Variants in SUGCT observed in about 807,000 individuals in gnomAD.
SUGCT encodes succinyl-CoA:glutarate CoA-transferase.
A neutral mutation model predicts 55.0 loss-of-function variants in SUGCT; 41 were observed. That is an observed-to-expected ratio of 0.74 (90% CI 0.58 to 0.97). The LOEUF (loss-of-function observed/expected upper bound fraction) is 0.97, where lower values mean the gene tolerates loss of function less well. Ranked by LOEUF, SUGCT falls within the 50% of genes least tolerant of loss-of-function variation. SUGCT has a pLI of 0.00. For missense variants in SUGCT, 568 were observed against 547.8 expected (o/e 1.04, Z -0.37); for synonymous variants, 187 against 200.4 (o/e 0.93, Z 0.56).
chr7:40,669,158 C>T (rs1211609752), intron 12 of SUGCT, among the ~76,000 whole-genome samples: 2 of 152,146 alleles, frequency 1.3e-5, no homozygotes, highest in African/African-American at 2.4e-5. Flanking sequence ...CCCACTCCTA[C>T]CTAGTGATGA....
At chr7:40,342,424 C>T (rs1428557165) in intron 9 of SUGCT, among the ~76,000 whole-genome samples, 1 of 152,064 alleles carries the variant, frequency 6.6e-6, no homozygotes, top group East Asian at 1.9e-4. Flanking sequence ...ATAATATTTC[C>T]TCCAGGCAAA....
intron 12 of SUGCT, among the ~76,000 whole-genome samples, chr7:40,703,981 G>C (rs1169177723): frequency 6.6e-6 from 1 of 152,226 alleles, no homozygotes; most frequent in Non-Finnish European, 1.5e-5. Flanking sequence ...CTGACCGGAG[G>C]AGACTTGTAC....
chr7:40,308,335 C>T (rs951647788), intron 8 of SUGCT, among the ~76,000 whole-genome samples: 5 of 152,112 alleles, frequency 3.3e-5, no homozygotes, highest in Admixed American at 6.5e-5. Context: ...TTTTTCCATT[C>T]GTCAACTATG....
At chr7:40,372,405 T>G (rs1044770170) in intron 9 of SUGCT, among the ~76,000 whole-genome samples, 4 of 152,148 alleles carry the variant, frequency 2.6e-5, no homozygotes, top group Non-Finnish European at 4.4e-5. Context: ...TTTGCTCTCT[T>G]TTATTTTTCT....
intron 12 of SUGCT, among the ~76,000 whole-genome samples, chr7:40,624,642 A>G (rs1288959754): frequency 6.6e-6 from 1 of 152,146 alleles, no homozygotes; most frequent in African/African-American, 2.4e-5. Flanking sequence ...ATGCGGTTTT[A>G]AACTGCGATG....
At chr7:40,844,913 G>T (rs1793481328) in intron 13 of SUGCT, among the ~76,000 whole-genome samples, 1 of 152,230 alleles carries the variant, frequency 6.6e-6, no homozygotes, top group South Asian at 2.1e-4. Context: ...AGAAAGAGAA[G>T]AGTCAAGATG....
chr7:40,364,941 C>CG (rs1481959015), intron 9 of SUGCT, among the ~76,000 whole-genome samples: 1 of 152,052 alleles, frequency 6.6e-6, no homozygotes, highest in East Asian at 1.9e-4. Context: ...ATACCAAAGC[C>CG]GGGCAGAGAC....
intron 12 of SUGCT, among the ~76,000 whole-genome samples, chr7:40,511,397 C>T (rs910018687): frequency 3.3e-5 from 5 of 152,120 alleles, no homozygotes; most frequent in Non-Finnish European, 5.9e-5. Flanking sequence ...GAAGGCTGAA[C>T]GACATGACAC....
At chr7:40,242,084 A>G (rs1355423918) in intron 7 of SUGCT, among the ~76,000 whole-genome samples, 1 of 152,136 alleles carries the variant, frequency 6.6e-6, no homozygotes, top group East Asian at 1.9e-4. Context: ...TTCCTACACT[A>G]TGCCAGACAG....
Position 40,262,728 on chromosome 7 carries a change from A to AACT in SUGCT, c.577-11785_577-11784insACT, listed in dbSNP as rs1295487532. On this transcript the variant is annotated intron_variant, in intron 7 of 13. Transcript: ENST00000335693. ...TTTCTTGACTGCAGTTGTAGAAATG[A>AACT]CAAATTAACTCACACATTTAAAATT... is the stretch of plus-strand genomic sequence containing the variant. Among the ~76,000 whole-genome samples, 7 of 152,254 alleles carry AACT rather than the reference A, an allele frequency of 4.6e-5. No homozygotes were observed. The East Asian group carries it at 1.4e-3, about 29-fold the overall frequency.
In SUGCT at chr7:40,496,397, G is replaced by C; in HGVS notation, c.1089+11G>C. On this transcript the variant is annotated intron_variant, in intron 12 of 13. Coordinates refer to ENST00000335693, the MANE Select transcript of SUGCT (RefSeq NM_001193313.2). ...TTTGCAGAACCTCAGGTTTGTTTTTGAAGTTTAACAACGCCTCTGTTTTCT... is the reference window on the plus strand; with the variant it reads ...TTTGCAGAACCTCAGGTTTGTTTTTCAAGTTTAACAACGCCTCTGTTTTCT... 1 of 1,584,706 alleles carries C rather than the reference G, an allele frequency of 6.3e-7. No individual in the cohort carries two copies. The highest frequency in any genetic ancestry group is 8.7e-7 in the Non-Finnish European group (1 of 1,155,860).
intron 12 of SUGCT, among the ~76,000 whole-genome samples, chr7:40,555,909 G>T (rs1041090399): frequency 6.6e-6 from 1 of 151,790 alleles, no homozygotes; most frequent in South Asian, 2.1e-4. Context: ...TTAACCAGGG[G>T]ATAAAACATT....
At chr7:40,732,827 C>T (rs1412104052) in intron 12 of SUGCT, among the ~76,000 whole-genome samples, 6 of 152,164 alleles carry the variant, frequency 3.9e-5, no homozygotes, top group South Asian at 2.1e-4. Context: ...TGAGCCAACA[C>T]GCCTGTAATC....
At chr7:40,637,407 G>A (rs1335688487) in intron 12 of SUGCT, among the ~76,000 whole-genome samples, 1 of 152,256 alleles carries the variant, frequency 6.6e-6, no homozygotes, top group Non-Finnish European at 1.5e-5. Flanking sequence ...GAGAGGTATG[G>A]CTGAGGCATA....
intron 13 of SUGCT, among the ~76,000 whole-genome samples, chr7:40,777,275 C>G (rs1789501213): frequency 1.3e-5 from 2 of 152,024 alleles, no homozygotes; most frequent in Non-Finnish European, 2.9e-5. Flanking sequence ...TTCTACTTAA[C>G]TTGAATGGAA....
At chr7:40,912,451 A>G in the SUGCT span, among the ~76,000 whole-genome samples, 1 of 152,224 alleles carries the variant, frequency 6.6e-6, no homozygotes, top group African/African-American at 2.4e-5. Flanking sequence ...TCCATGGGAA[A>G]ACTTTAGCAG....
At chr7:40,911,222 C>T in the SUGCT span, among the ~76,000 whole-genome samples, 2 of 152,008 alleles carry the variant, frequency 1.3e-5, no homozygotes, top group African/African-American at 4.8e-5. Flanking sequence ...CAAAACATTA[C>T]AAAATAAGCA....
chr7:40,569,263 C>T (rs1373592082), intron 12 of SUGCT, among the ~76,000 whole-genome samples: 1 of 152,156 alleles, frequency 6.6e-6, no homozygotes, highest in Non-Finnish European at 1.5e-5. Context: ...TCAAGTCTCT[C>T]CTTTCCATCC....
chr7:40,644,027 AG>A (rs1800384756), intron 12 of SUGCT, among the ~76,000 whole-genome samples: 1 of 152,142 alleles, frequency 6.6e-6, no homozygotes, highest in African/African-American at 2.4e-5. Flanking sequence ...GCGGGAAGGT[AG>A]GAAGTCTGAT....
Sources: gnomAD v4.1 joint callset for allele counts (sites outside exome capture counted in the v4.1 genomes callset) on GRCh38, gnomAD v4.1.1 for gene constraint, MANE v1.5 for transcripts, NCBI Gene and HGNC (gene_info 2026-07-23, HGNC 2026-07-21) for gene names.